Variants in TRMT9B observed in about 807,000 individuals in gnomAD.
TRMT9B encodes probable tRNA methyltransferase 9B.
A neutral mutation model predicts 11.5 loss-of-function variants in TRMT9B; 16 were observed. The observed-to-expected ratio is 1.39, with a 90% confidence interval of 0.94 to 2.11. The LOEUF is 2.11. Ranked by LOEUF, TRMT9B falls within the 30% of genes most tolerant of loss-of-function variation. The pLI is 0.00. For missense variants in TRMT9B, 941 were observed against 553.8 expected (o/e 1.70, Z -7.02); for synonymous variants, 274 against 192.4 (o/e 1.42, Z -3.51).
intron 2 of TRMT9B, among the ~76,000 whole-genome samples, chr8:13,002,446 C>G (rs568869442): frequency 6.6e-5 from 10 of 152,244 alleles, no homozygotes; most frequent in East Asian, 3.9e-4. Context: ...TTATAGCCAG[C>G]CATATGTTTA....
At chr8:13,016,985 A>G (rs1400607942) in intron 4 of TRMT9B, among the ~76,000 whole-genome samples, 3 of 151,580 alleles carry the variant, frequency 2.0e-5, no homozygotes, top group African/African-American at 4.9e-5. Flanking sequence ...TTGGCCGGGC[A>G]TAGTAGTGCA....
At chr8:13,010,338 A>T in intron 3 of TRMT9B, 1 of 970,492 alleles carries the variant, frequency 1.0e-6, no homozygotes, top group Non-Finnish European at 1.2e-6. Context: ...GAAGTTAAAG[A>T]AGAAAGAAAT....
At chr8:13,016,789 G>A (rs1812793202) in intron 4 of TRMT9B, among the ~76,000 whole-genome samples, 1 of 150,132 alleles carries the variant, frequency 6.7e-6, no homozygotes. Context: ...AGCAATGTCT[G>A]GAGACATTTT....
chr8:13,011,249 G>A lies in TRMT9B; in HGVS notation c.155-1435G>A, dbSNP rs564455835. On this transcript the variant is annotated intron_variant, in intron 3 of 4. Coordinates refer to ENST00000524591, the MANE Select transcript of TRMT9B (RefSeq NM_020844.3). ...GATCCGCCCACCACAGCCTCCCAAA[G>A]TGCTAGGATTATAGGCATGAGCCAC... The A allele has an allele frequency of 3.7e-5, 35 of 952,048 alleles. No individual in the cohort carries two copies. The African/African-American group carries it at 4.8e-4, about 13-fold the overall frequency. 59.0% of individuals were successfully genotyped at this position (952,048 alleles called of 1,614,324 possible). A position where few individuals can be genotyped will look rare whatever the true frequency, so the allele number is the denominator to read the frequency against.
chr8:12,977,427 G>T (rs1283281193), intron 1 of TRMT9B, among the ~76,000 whole-genome samples: 1 of 152,182 alleles, frequency 6.6e-6, no homozygotes, highest in Admixed American at 6.5e-5. Flanking sequence ...TCTTGGCCGG[G>T]CGTGGGTGCT....
intron 3 of TRMT9B, 41 bp from the exon 4 acceptor site, chr8:13,012,643 T>G: frequency 6.5e-7 from 1 of 1,542,448 alleles, no homozygotes; most frequent in Non-Finnish European, 8.8e-7. Flanking sequence ...TTTCACATTT[T>G]CCATTGAGGA....
chr8:12,999,728 T>C (rs1809052501), intron 2 of TRMT9B, among the ~76,000 whole-genome samples: 1 of 152,192 alleles, frequency 6.6e-6, no homozygotes, highest in Admixed American at 6.5e-5. Context: ...ATTATAATAC[T>C]TTACAGCACA....
At chr8:12,961,370 G>A (rs1431636456) in intron 1 of TRMT9B, among the ~76,000 whole-genome samples, 1 of 151,900 alleles carries the variant, frequency 6.6e-6, no homozygotes, top group Non-Finnish European at 1.5e-5. Flanking sequence ...TTAAAGTTAA[G>A]AAATACCTCA....
chr8:13,011,658 G>C (rs1811636645), intron 3 of TRMT9B: 1 of 979,552 alleles, frequency 1.0e-6, no homozygotes. Flanking sequence ...ACATCAGTAA[G>C]ACCTCAATGA....
At chr8:13,000,286 A>G (rs531992161) in intron 2 of TRMT9B, among the ~76,000 whole-genome samples, 7 of 152,192 alleles carry the variant, frequency 4.6e-5, no homozygotes, top group Non-Finnish European at 1.0e-4. Context: ...GCCTAATCAC[A>G]TGTCCAGGGA....
In TRMT9B at chr8:13,003,666, C is replaced by T. The variant is rs143063346; in HGVS notation, c.-1-2536C>T. ...TGTGCCCGCCTAAGCCAGCTGAACC[C>T]AATGGGACAAGCTATAAAATGCCTC... On this transcript the variant is annotated intron_variant, in intron 2 of 4. Transcript: ENST00000524591. Among the ~76,000 whole-genome samples, 668 of 151,298 alleles carry T rather than the reference C, an allele frequency of 4.4e-3. 1 individual carries two copies. The highest frequency in any genetic ancestry group is 0.015 in the African/African-American group (630 of 41,228).
Position 13,021,951 on chromosome 8 carries a change from C to G in TRMT9B, c.1272C>G (p.Leu424=), listed in dbSNP as rs778967825. ...GAGAAGGGGAGCTCTGCAGTCTGCT[C>G]AAGGAGAATGTGTCAGAGCTCCGTA... ...VFREGELCSL[L]KENVSELRIL... is the part of the protein sequence containing the mutation. The change falls in exon 5 of 5, where the codon CTC becomes CTG. Residue 424 remains leucine, a synonymous_variant. Transcript: ENST00000524591. The G allele has an allele frequency of 1.2e-6, 2 of 1,613,550 alleles. No individual in the cohort carries two copies. The highest frequency in any genetic ancestry group is 1.3e-5 in the African/African-American group (1 of 74,894).
At chr8:13,005,659 G>C (rs1031502622) in intron 2 of TRMT9B, among the ~76,000 whole-genome samples, 1 of 152,100 alleles carries the variant, frequency 6.6e-6, no homozygotes, top group Non-Finnish European at 1.5e-5. Context: ...ATTGGGAAAA[G>C]CATTGAATGG....
intron 4 of TRMT9B, among the ~76,000 whole-genome samples, chr8:13,015,679 A>C (rs982020941): frequency 6.6e-6 from 1 of 152,130 alleles, no homozygotes; most frequent in Non-Finnish European, 1.5e-5. Flanking sequence ...CTGCAAGGCC[A>C]CCTATATCCA....
intron 1 of TRMT9B, among the ~76,000 whole-genome samples, chr8:12,949,083 A>T (rs1038877081): frequency 6.6e-6 from 1 of 152,222 alleles, no homozygotes; most frequent in Non-Finnish European, 1.5e-5. Flanking sequence ...TTGTTTCTAC[A>T]TAGACTCTAC....
intron 1 of TRMT9B, among the ~76,000 whole-genome samples, chr8:12,946,860 C>T (rs1303503847): frequency 6.6e-6 from 1 of 152,156 alleles, no homozygotes; most frequent in African/African-American, 2.4e-5. Context: ...ATCCTATTCC[C>T]AATGCCAGGA....
At chr8:12,988,718 C>T (rs1806773824) in intron 1 of TRMT9B, among the ~76,000 whole-genome samples, 1 of 152,174 alleles carries the variant, frequency 6.6e-6, no homozygotes, top group African/African-American at 2.4e-5. Flanking sequence ...CCAGTTCCCT[C>T]CCACAATACA....
In TRMT9B at chr8:13,021,384, A is replaced by G; in HGVS notation, c.705A>G (p.Glu235=). 1 of 1,614,060 alleles carries G rather than the reference A, an allele frequency of 6.2e-7. No individual in the cohort carries two copies. Among genetic ancestry groups the G allele is most frequent in the Non-Finnish European group, 8.5e-7 (1 of 1,179,904 alleles). The change falls in exon 5 of 5, where the codon GAA becomes GAG. Residue 235 remains glutamate, a synonymous_variant. Transcript: ENST00000524591. The part of the protein sequence containing the change: ...CFANISKEGE[E]EYGFYSTLGK... ...CAAATATTTCTAAGGAAGGCGAGGA[A>G]GAATATGGATTTTACAGCACATTAG...
chr8:12,998,615 C>G (rs565517226), intron 2 of TRMT9B, among the ~76,000 whole-genome samples: 103 of 152,324 alleles, frequency 6.8e-4, no homozygotes, highest in Non-Finnish European at 1.1e-3. Flanking sequence ...TAAAAAGCAC[C>G]GTCTTGAGGA....
Sources: gnomAD v4.1 joint callset for allele counts (sites outside exome capture counted in the v4.1 genomes callset) on GRCh38, gnomAD v4.1.1 for gene constraint, MANE v1.5 for transcripts, NCBI Gene and HGNC (gene_info 2026-07-23, HGNC 2026-07-21) for gene names.